DOCK4: variants seen among roughly 807,000 people sequenced by gnomAD.
DOCK4 encodes the protein dedicator of cytokinesis 4, also known as dedicator of cytokinesis protein 4.
DOCK4 carries 97 observed loss-of-function variants against 268.1 expected under a neutral mutation model. That is an observed-to-expected ratio of 0.36 (90% confidence interval 0.31 to 0.43). DOCK4 has a LOEUF of 0.43. Ranked by LOEUF, DOCK4 falls within the 20% of genes least tolerant of loss-of-function variation. The pLI is 1.00. For synonymous variants in DOCK4, 954 were observed against 887.2 expected (o/e 1.08, Z -1.34); for missense variants, 2,145 against 2,455.7 (o/e 0.87, Z 2.67).
Position 111,983,376 on chromosome 7 carries a change from C to T in DOCK4, c.549+930G>A, listed in dbSNP as rs564442606. On this transcript the variant is annotated intron_variant, in intron 7 of 52. Transcript: ENST00000428084. Reference sequence around the variant, plus strand: ...GCAGGATCATCCAAAAAGGAGTCTACTATTTCCAATAGGCAGTCCTTCTTG... The same window carrying T: ...GCAGGATCATCCAAAAAGGAGTCTATTATTTCCAATAGGCAGTCCTTCTTG... Among the ~76,000 whole-genome samples the T allele has an allele frequency of 1.4e-3, 213 of 152,170 alleles. 1 individual carries two copies. Among genetic ancestry groups the T allele is most frequent in the African/African-American group, 4.9e-3 (204 of 41,514 alleles).
At chr7:111,776,729 C>G (rs1170067218) in intron 36 of DOCK4, among the ~76,000 whole-genome samples, 1 of 152,158 alleles carries the variant, frequency 6.6e-6, no homozygotes, top group Non-Finnish European at 1.5e-5. Flanking sequence ...GAAAACTATG[C>G]CCATACATAT....
At chr7:111,851,813 G>A (rs947279163) in intron 23 of DOCK4, among the ~76,000 whole-genome samples, 2 of 152,208 alleles carry the variant, frequency 1.3e-5, no homozygotes, top group South Asian at 4.2e-4. Flanking sequence ...TGAGTGCTAT[G>A]TAAGTGTTAT....
chr7:111,753,197 G>A (rs1796807225), intron 42 of DOCK4, among the ~76,000 whole-genome samples: 1 of 152,116 alleles, frequency 6.6e-6, no homozygotes, highest in South Asian at 2.1e-4. Flanking sequence ...TAATAAGGCT[G>A]GGCATGGTGG....
intron 8 of DOCK4, among the ~76,000 whole-genome samples, chr7:111,951,342 C>A (rs957677179): frequency 2.0e-5 from 3 of 152,092 alleles, no homozygotes; most frequent in Admixed American, 6.6e-5. Flanking sequence ...ACTGTTGTGC[C>A]CATTTGTCAT....
intron 1 of DOCK4, among the ~76,000 whole-genome samples, chr7:112,141,383 G>A (rs1814914884): frequency 6.6e-6 from 1 of 152,128 alleles, no homozygotes; most frequent in African/African-American, 2.4e-5. Context: ...ACTAATCGGG[G>A]TATTGCTGTG....
intron 1 of DOCK4, among the ~76,000 whole-genome samples, chr7:112,089,975 A>G (rs1412034273): frequency 6.6e-6 from 1 of 152,334 alleles, no homozygotes; most frequent in African/African-American, 2.4e-5. Context: ...GAAAGCTGGC[A>G]TCAGTTTTTG....
chr7:111,908,163 T>C (rs551618153), intron 13 of DOCK4, among the ~76,000 whole-genome samples: 7 of 152,262 alleles, frequency 4.6e-5, no homozygotes, highest in South Asian at 4.1e-4. Flanking sequence ...GGAATATTTA[T>C]ATTGGCCGGG....
At chr7:111,831,164 C>T (rs559958683) in intron 26 of DOCK4, among the ~76,000 whole-genome samples, 15 of 152,074 alleles carry the variant, frequency 9.9e-5, no homozygotes, top group Non-Finnish European at 1.9e-4. Context: ...AGGCTGAAAC[C>T]GAATTTACCT....
chr7:111,939,484 C>T (rs1586438964), intron 11 of DOCK4, among the ~76,000 whole-genome samples: 1 of 145,068 alleles, frequency 6.9e-6, no homozygotes, highest in African/African-American at 2.6e-5. Flanking sequence ...CACTGCACTC[C>T]AGCCTGGGCA....
At chr7:112,096,047 C>A (rs1382674145) in intron 1 of DOCK4, among the ~76,000 whole-genome samples, 1 of 152,136 alleles carries the variant, frequency 6.6e-6, no homozygotes, top group Admixed American at 6.5e-5. Flanking sequence ...TGAGATTGCA[C>A]CATTGCACTC....
chr7:112,188,558 G>A (rs1819653877), intron 1 of DOCK4, among the ~76,000 whole-genome samples: 1 of 152,160 alleles, frequency 6.6e-6, no homozygotes, highest in East Asian at 1.9e-4. Context: ...TACATCAGTG[G>A]TGCAAACTGT....
intron 26 of DOCK4, among the ~76,000 whole-genome samples, chr7:111,828,078 C>G (rs1370687773): frequency 2.0e-5 from 3 of 152,278 alleles, no homozygotes; most frequent in Middle Eastern, 3.4e-3. Flanking sequence ...ATGGACAAAA[C>G]TGTAGCCTCC....
chr7:111,996,718 C>A (rs1254053322), intron 4 of DOCK4, among the ~76,000 whole-genome samples: 1 of 152,100 alleles, frequency 6.6e-6, no homozygotes. Flanking sequence ...ACTTACATGA[C>A]CAAATTTTTA....
intron 31 of DOCK4, 27 bp downstream of exon 31, chr7:111,790,430 A>G (rs1452668022): frequency 5.6e-6 from 9 of 1,608,284 alleles, no homozygotes; most frequent in Non-Finnish European, 5.9e-6. Context: ...AACTCTTCCA[A>G]CTCTTCTGAG....
rs1795669653 is a variant in DOCK4, at chr7:111,738,553, A to C, written c.5232+581T>G. Among the ~76,000 whole-genome samples the C allele has an allele frequency of 2.0e-5, 3 of 152,258 alleles. No individual in the cohort carries two copies. The South Asian group carries it at 6.2e-4, about 32-fold the overall frequency. On this transcript the variant is annotated intron_variant, in intron 49 of 52. Transcript: ENST00000428084. The stretch of plus-strand genomic sequence containing the variant: ...CACCCAACTACTTTGCATAATGTTT[A>C]AGAAGCAGCAATGAAATAGATCAAG...
At chr7:112,018,179 AACAC>A (rs796231667) in intron 1 of DOCK4, among the ~76,000 whole-genome samples, 1 of 72,628 alleles carries the variant, frequency 1.4e-5, no homozygotes, top group African/African-American at 5.4e-5. Flanking sequence ...AAAAAAAAAA[AACAC>A]AGGCAACCAG....
intron 1 of DOCK4, among the ~76,000 whole-genome samples, chr7:112,146,052 G>A (rs567469950): frequency 7.9e-5 from 12 of 152,170 alleles, no homozygotes; most frequent in Admixed American, 1.3e-4. Flanking sequence ...TCCACATAAC[G>A]AAGCCAAGGA....
Position 111,741,579 on chromosome 7 carries a change from G to A in DOCK4, c.4880C>T (p.Ser1627Phe). Reference sequence around the variant, plus strand: ...TACCCTGGTACCATCTGGGCTCACAGAAGCAGGTGCTGAGTTTCTACACAC... The same window carrying A: ...TACCCTGGTACCATCTGGGCTCACAAAAGCAGGTGCTGAGTTTCTACACAC... ...PRVCRNSAPA[S>F]VSPDGTRVIP... Residue 1627 changes from serine (S) to phenylalanine (F), a missense_variant, in exon 46 of 53, where the codon TCT becomes TTT. Physicochemically the swap from Ser to Phe is radical, Grantham distance 155 (BLOSUM62 -2). Coordinates refer to ENST00000428084, the MANE Select transcript of DOCK4 (RefSeq NM_001363540.2). The A allele has an allele frequency of 6.2e-7, 1 of 1,613,620 alleles. No individual in the cohort carries two copies. Among genetic ancestry groups the A allele is most frequent in the Non-Finnish European group, 8.5e-7 (1 of 1,179,730 alleles).
At chr7:112,130,225 T>C (rs1813678701) in intron 1 of DOCK4, among the ~76,000 whole-genome samples, 1 of 152,050 alleles carries the variant, frequency 6.6e-6, no homozygotes, top group Non-Finnish European at 1.5e-5. Flanking sequence ...GGGGGCTGTG[T>C]GACAGTACAG....
Sources: allele counts gnomAD v4.1 joint callset (sites outside exome capture counted in the v4.1 genomes callset), GRCh38; gene constraint gnomAD v4.1.1; transcripts MANE v1.5; gene names NCBI Gene and HGNC (gene_info 2026-07-23, HGNC 2026-07-21).